The following ACTN1 variants were observed in gnomAD, a reference collection of about 807,000 sequenced individuals.
ACTN1 encodes alpha-actinin-1.
A neutral mutation model predicts 119.6 loss-of-function variants in ACTN1; 30 were observed. The observed-to-expected ratio is 0.25, with a 90% confidence interval of 0.19 to 0.34. The LOEUF (loss-of-function observed/expected upper bound fraction) is 0.34, where lower values mean the gene tolerates loss of function less well. ACTN1 is among the 10% of genes least tolerant of loss of function. The pLI is 1.00. For missense variants in ACTN1, 764 were observed against 1,223.4 expected, an observed-to-expected ratio of 0.62 and a Z score of 5.60; for synonymous variants, 429 against 472.6, an observed-to-expected ratio of 0.91 and a Z score of 1.20.
At chr14:68,950,384 A>T (rs192968963) in intron 1 of ACTN1, among the ~76,000 whole-genome samples, 5 of 150,922 alleles carry the variant, frequency 3.3e-5, no homozygotes, top group Admixed American at 2.6e-4. Context: ...ATGCTGCTGA[A>T]CTGTACGTAC....
At chr14:68,900,726 A>G (rs2033254363) in intron 8 of ACTN1, 1 of 152,158 alleles carries the variant, frequency 6.6e-6, no homozygotes, top group South Asian at 2.1e-4. Context: ...CAAAGTTCAG[A>G]GTCCTGTTCC....
At chr14:68,964,599 C>T (rs2036642940) in intron 1 of ACTN1, among the ~76,000 whole-genome samples, 1 of 152,180 alleles carries the variant, frequency 6.6e-6, no homozygotes, top group South Asian at 2.1e-4. Flanking sequence ...GCCCTGAAAT[C>T]AAAGCCCAAC....
Position 68,882,359 on chromosome 14 carries a change from C to A in ACTN1, c.1953+99G>T. On this transcript the variant is annotated intron_variant, in intron 16 of 21. Coordinates refer to ENST00000394419, the MANE Select transcript of ACTN1 (RefSeq NM_001130004.2). The surrounding 1 kb of genome is among the most constrained non-coding windows in gnomAD (Gnocchi z 4.5). ...CGGTGGGCTCCGGGCCTCAGTCCTC[C>A]ATGGGTCCCACCCAGGGAGACAGGC... The A allele has an allele frequency of 6.5e-7, 1 of 1,528,880 alleles. No homozygotes were observed. Among genetic ancestry groups the A allele is most frequent in the Non-Finnish European group, 8.9e-7 (1 of 1,129,112 alleles). The allele number at this position is 1,528,880 out of a possible 1,614,324, so 94.7% of individuals were successfully genotyped here. A position where few individuals can be genotyped will look rare whatever the true frequency, so the allele number is the denominator to read the frequency against.
intron 1 of ACTN1, among the ~76,000 whole-genome samples, chr14:68,961,105 G>C (rs1297364566): frequency 6.6e-6 from 1 of 152,154 alleles, no homozygotes; most frequent in Non-Finnish European, 1.5e-5. Context: ...TTATACACGA[G>C]ACTTTTAATA....
At chr14:68,924,594 T>C (rs1463338746) in intron 2 of ACTN1, among the ~76,000 whole-genome samples, 1 of 152,136 alleles carries the variant, frequency 6.6e-6, no homozygotes, top group Non-Finnish European at 1.5e-5. Context: ...GAGGGAACAG[T>C]GTGACCATAT....
At chr14:68,972,158 C>T (rs979925332) in intron 1 of ACTN1, among the ~76,000 whole-genome samples, 1 of 152,152 alleles carries the variant, frequency 6.6e-6, no homozygotes, top group African/African-American at 2.4e-5. Context: ...TGAAGGCCAC[C>T]CTCTCCCCAA....
At chr14:68,914,960 G>A (rs1400044209) in intron 3 of ACTN1, among the ~76,000 whole-genome samples, 1 of 152,184 alleles carries the variant, frequency 6.6e-6, no homozygotes, top group Non-Finnish European at 1.5e-5. Context: ...CAGTTGCTCA[G>A]CTTTTTGGCA....
At chr14:68,973,102 C>T (rs975599186) in intron 1 of ACTN1, among the ~76,000 whole-genome samples, 10 of 152,082 alleles carry the variant, frequency 6.6e-5, no homozygotes, top group East Asian at 1.9e-4. Context: ...CCCCCTGGTA[C>T]GACATGAAAG....
chr14:68,893,767 A>G lies in ACTN1; in HGVS notation c.763-20T>C, dbSNP rs775163059. 1 of 1,612,206 alleles carries G rather than the reference A, an allele frequency of 6.2e-7. No homozygotes were observed. The highest frequency in any genetic ancestry group is 1.1e-5 in the South Asian group (1 of 91,024). On this transcript the variant is annotated intron_variant, in intron 8 of 21. Coordinates refer to ENST00000394419, the MANE Select transcript of ACTN1 (RefSeq NM_001130004.2). ...CTCCGCCTGGCAACAAGACAGAGAG[A>G]GTCACGACCAGCCAGCCCCAGCAGC...
intron 1 of ACTN1, among the ~76,000 whole-genome samples, chr14:68,958,080 G>A (rs985884207): frequency 1.3e-5 from 2 of 152,188 alleles, no homozygotes; most frequent in Non-Finnish European, 2.9e-5. Context: ...TGGGTTTCAC[G>A]CCTGGCAGGT....
intron 1 of ACTN1, among the ~76,000 whole-genome samples, chr14:68,970,005 T>G (rs2036830992): frequency 6.6e-6 from 1 of 152,052 alleles, no homozygotes; most frequent in Non-Finnish European, 1.5e-5. Context: ...GCTGTCTCAC[T>G]CCCATCAATT....
chr14:68,935,684 C>T (rs2035469021), intron 1 of ACTN1, among the ~76,000 whole-genome samples: 1 of 152,208 alleles, frequency 6.6e-6, no homozygotes, highest in South Asian at 2.1e-4. Flanking sequence ...CCACACCCGG[C>T]TAGAGCGCTC....
chr14:68,939,463 A>G (rs1349177755), intron 1 of ACTN1, among the ~76,000 whole-genome samples: 3 of 152,176 alleles, frequency 2.0e-5, no homozygotes, highest in African/African-American at 4.8e-5. Flanking sequence ...AATAAAGATA[A>G]AATGAGCCTG....
At chr14:68,944,330 C>T (rs921789503) in intron 1 of ACTN1, among the ~76,000 whole-genome samples, 1 of 152,186 alleles carries the variant, frequency 6.6e-6, no homozygotes, top group Non-Finnish European at 1.5e-5. Context: ...TGGACTGGCC[C>T]GATGTTGGCA....
intron 14 of ACTN1, chr14:68,883,428 G>A (rs1594757068): frequency 5.0e-6 from 1 of 198,586 alleles, no homozygotes; most frequent in East Asian, 1.1e-4. Flanking sequence ...AAAGATTGAG[G>A]AAGCTGCTAA....
chr14:68,919,046 C>T (rs926928879), intron 3 of ACTN1, among the ~76,000 whole-genome samples: 2 of 152,220 alleles, frequency 1.3e-5, no homozygotes, highest in Non-Finnish European at 2.9e-5. Flanking sequence ...AGCGGGTACT[C>T]GGTGAGTGCT....
chr14:68,969,660 T>TAAGA (rs1041184183), intron 1 of ACTN1, among the ~76,000 whole-genome samples: 2 of 152,134 alleles, frequency 1.3e-5, no homozygotes, highest in Non-Finnish European at 2.9e-5. Flanking sequence ...ACACAAGTGT[T>TAAGA]AAGACAGAGG....
In ACTN1 at chr14:68,979,151, T is replaced by TGGGCG. The variant is rs2037178539; in HGVS notation, c.-96_-95insCGCCC. 15 of 414,522 alleles carry TGGGCG rather than the reference T, an allele frequency of 3.6e-5. No individual in the cohort carries two copies. The East Asian group carries it at 3.8e-4, about 11-fold the overall frequency. 25.7% of individuals were successfully genotyped at this position (414,522 alleles called of 1,614,324 possible). A position where few individuals can be genotyped will look rare whatever the true frequency, so the allele number is the denominator to read the frequency against. On this transcript the variant is annotated 5_prime_UTR_variant, in exon 1 of 22. Transcript: ENST00000394419. ...GCGTGGGGAGGGAGTAGGGCTGGGCTGGGCTGGGCTGGCGGGGCCGGGCTC... is the reference window on the plus strand; with the variant it reads ...GCGTGGGGAGGGAGTAGGGCTGGGCTGGGCGGGGCTGGGCTGGCGGGGCCGGGCTC...
intron 1 of ACTN1, chr14:68,936,954 GAT>G: frequency 2.1e-6 from 1 of 478,450 alleles, no homozygotes; most frequent in Non-Finnish European, 4.1e-6. Context: ...CAGAGGAAAA[GAT>G]TGCTATTGTA....
Sources: allele counts gnomAD v4.1 joint callset (sites outside exome capture counted in the v4.1 genomes callset), GRCh38; gene constraint gnomAD v4.1.1; non-coding constraint Gnocchi (gnomAD v3.1); transcripts MANE v1.5; gene names NCBI Gene and HGNC (gene_info 2026-07-23, HGNC 2026-07-21).